Variants in ARHGEF26 observed in about 807,000 individuals in gnomAD.
The protein encoded by ARHGEF26 is Rho guanine nucleotide exchange factor (GEF) 26.
In ARHGEF26, 59 loss-of-function variants were observed where a neutral mutation model predicts 89.4. The ratio of observed to expected loss-of-function variants is 0.66; its 90% confidence interval spans 0.54 to 0.82. The LOEUF is 0.82. Ranked by LOEUF, ARHGEF26 falls within the 40% of genes least tolerant of loss-of-function variation. The probability of loss-of-function intolerance (pLI) is 0.00; values close to 1 mark genes in which losing one functional copy is unlikely to be tolerated. For missense variants in ARHGEF26, 1,234 were observed against 1,085.6 expected (o/e 1.14, Z -1.92); for synonymous variants, 500 against 428.4 (o/e 1.17, Z -2.06).
chr3:154,123,153 G>A, intron 2 of ARHGEF26, 78 bp downstream of exon 2: 2 of 1,554,736 alleles, frequency 1.3e-6, no homozygotes, highest in Admixed American at 3.7e-5. Flanking sequence ...GAGGAGCGTA[G>A]AGGAAACCCG....
intron 9 of ARHGEF26, among the ~76,000 whole-genome samples, chr3:154,215,048 A>G (rs1228900267): frequency 6.6e-6 from 1 of 152,190 alleles, no homozygotes; most frequent in East Asian, 1.9e-4. Flanking sequence ...AAATTGGATC[A>G]TGTCATTCCC....
Position 154,257,069 on chromosome 3 carries a change from A to T in ARHGEF26, c.*1596A>T. The T allele has an allele frequency of 7.4e-7, 1 of 1,344,898 alleles. No homozygotes were observed. The highest frequency in any genetic ancestry group is 1.7e-5 in the South Asian group (1 of 58,202). The allele number at this position is 1,344,898 out of a possible 1,614,324, so 83.3% of individuals were successfully genotyped here. On this transcript the variant is annotated 3_prime_UTR_variant, in exon 15 of 15. Transcript: ENST00000465093. ...GACATGTCCCAACTACTGTCCGCTAACTAGTTATCCAAATTGTAAAGCTAC... is the reference window on the plus strand; with the variant it reads ...GACATGTCCCAACTACTGTCCGCTATCTAGTTATCCAAATTGTAAAGCTAC...
chr3:154,221,685 A>AT (rs1716139737), intron 10 of ARHGEF26, among the ~76,000 whole-genome samples: 1 of 152,240 alleles, frequency 6.6e-6, no homozygotes, highest in South Asian at 2.1e-4. Flanking sequence ...GCTTTCTTAT[A>AT]TATTATTAAA....
Position 154,255,473 on chromosome 3 carries a change from GTC to G in ARHGEF26, c.*5_*6del, listed in dbSNP as rs1428961821. On this transcript the variant is annotated 3_prime_UTR_variant, in exon 15 of 15. Coordinates refer to ENST00000465093, the MANE Select transcript of ARHGEF26 (RefSeq NM_015595.4). The stretch of plus-strand genomic sequence containing the variant: ...TGCTAGGACTGGAGACCAACGTGTA[GTC>G]TCTCAGATGGTCTTTTGTTACTGCA... The G allele has an allele frequency of 5.6e-6, 9 of 1,612,204 alleles. 1 individual carries two copies. The East Asian group carries it at 2.0e-4, about 36-fold the overall frequency.
chr3:154,241,561 A>G (rs1340577270), intron 12 of ARHGEF26, among the ~76,000 whole-genome samples: 1 of 152,258 alleles, frequency 6.6e-6, no homozygotes, highest in African/African-American at 2.4e-5. Context: ...GACACTTGCT[A>G]AAGCGCAGTA....
chr3:154,170,688 G>GA (rs1314775863), intron 6 of ARHGEF26, among the ~76,000 whole-genome samples: 1 of 152,146 alleles, frequency 6.6e-6, no homozygotes, highest in Admixed American at 6.5e-5. Context: ...GAAGTTAAAC[G>GA]AATCAGTCAG....
chr3:154,230,989 C>T (rs1455495029), intron 11 of ARHGEF26, among the ~76,000 whole-genome samples: 1 of 152,120 alleles, frequency 6.6e-6, no homozygotes, highest in Non-Finnish European at 1.5e-5. Context: ...CATGAGAATG[C>T]TCTTTCCTAT....
chr3:154,228,436 C>CT (rs71744878), intron 11 of ARHGEF26, among the ~76,000 whole-genome samples: 5,855 of 141,446 alleles, frequency 0.041, 131 homozygotes, highest in South Asian at 0.073. Context: ...CGCACCTGGC[C>CT]TTTTTTTTTT....
chr3:154,245,439 T>C (rs1717747847), intron 12 of ARHGEF26, among the ~76,000 whole-genome samples: 1 of 152,220 alleles, frequency 6.6e-6, no homozygotes, highest in Admixed American at 6.5e-5. Flanking sequence ...AGATATTGCA[T>C]CCCCAAAATT....
chr3:154,152,946 A>G lies in ARHGEF26; in HGVS notation c.1487+14A>G, dbSNP rs772978453. ...GGCAAGCAAAAAGTAAGTGCACTGC[A>G]GTCTGCCTTTGGTCGTGCCAAGAAG... On this transcript the variant is annotated intron_variant, in intron 6 of 14. Coordinates refer to ENST00000465093, the MANE Select transcript of ARHGEF26 (RefSeq NM_015595.4). 20 of 1,542,238 alleles carry G rather than the reference A, an allele frequency of 1.3e-5. No homozygotes were observed. The highest frequency in any genetic ancestry group is 1.7e-5 in the Non-Finnish European group (19 of 1,145,662).
intron 4 of ARHGEF26, 112 bp downstream of exon 4, chr3:154,129,831 A>G: frequency 8.1e-7 from 1 of 1,240,986 alleles, no homozygotes; most frequent in Non-Finnish European, 1.1e-6. Context: ...CTAAGGAGAA[A>G]GACTCTTTTT....
chr3:154,189,193 G>A (rs1418943995), intron 7 of ARHGEF26, among the ~76,000 whole-genome samples: 1 of 152,008 alleles, frequency 6.6e-6, no homozygotes, highest in Non-Finnish European at 1.5e-5. Context: ...TTGTTTTGCA[G>A]GATTTAAAAA....
intron 6 of ARHGEF26, among the ~76,000 whole-genome samples, chr3:154,161,417 A>T (rs889277004): frequency 6.6e-6 from 1 of 152,076 alleles, no homozygotes; most frequent in Non-Finnish European, 1.5e-5. Context: ...ACCTTATAAG[A>T]TTGTTTTGAG....
intron 9 of ARHGEF26, among the ~76,000 whole-genome samples, chr3:154,209,955 A>G (rs993955493): frequency 5.3e-5 from 8 of 152,192 alleles, no homozygotes; most frequent in Non-Finnish European, 1.0e-4. Flanking sequence ...CTGCCACTCA[A>G]ACCACAAGAT....
intron 6 of ARHGEF26, among the ~76,000 whole-genome samples, chr3:154,176,301 C>T (rs1471494746): frequency 1.3e-5 from 2 of 152,088 alleles, no homozygotes; most frequent in Admixed American, 1.3e-4. Context: ...GGGAGCCAAT[C>T]TTTGGTAGGG....
At chr3:154,148,147 A>G (rs577188921) in intron 4 of ARHGEF26, among the ~76,000 whole-genome samples, 2 of 152,346 alleles carry the variant, frequency 1.3e-5, no homozygotes, top group South Asian at 4.1e-4. Flanking sequence ...GGACAGAGAC[A>G]GAAGCACAGG....
chr3:154,159,912 A>G (rs1374453844), intron 6 of ARHGEF26, among the ~76,000 whole-genome samples: 1 of 152,090 alleles, frequency 6.6e-6, no homozygotes, highest in Non-Finnish European at 1.5e-5. Flanking sequence ...AACCTGTTTA[A>G]TTTTTGCCCT....
At chr3:154,215,584 A>G (rs1412553201) in intron 9 of ARHGEF26, among the ~76,000 whole-genome samples, 1 of 152,092 alleles carries the variant, frequency 6.6e-6, no homozygotes, top group Admixed American at 6.6e-5. Flanking sequence ...TGGGTGGTTT[A>G]AGGAACAGAT....
At chr3:154,198,235 T>G (rs1714403892) in intron 9 of ARHGEF26, among the ~76,000 whole-genome samples, 1 of 152,142 alleles carries the variant, frequency 6.6e-6, no homozygotes, top group Non-Finnish European at 1.5e-5. Flanking sequence ...TAGTAGATGT[T>G]GGCATGGATG....
Sources: gnomAD v4.1 joint callset for allele counts (sites outside exome capture counted in the v4.1 genomes callset) on GRCh38, gnomAD v4.1.1 for gene constraint, MANE v1.5 for transcripts, NCBI Gene and HGNC (gene_info 2026-07-23, HGNC 2026-07-21) for gene names.